Variants in SMG1 observed in about 807,000 individuals in gnomAD.
SMG1 encodes serine/threonine-protein kinase SMG1.
A neutral mutation model predicts 419.9 loss-of-function variants in SMG1; 22 were observed. That is an observed-to-expected ratio of 0.05 (90% CI 0.04 to 0.07). The LOEUF is 0.07. SMG1 is among the 10% of genes least tolerant of loss of function. The probability of loss-of-function intolerance (pLI) is 1.00; values close to 1 mark genes in which losing one functional copy is unlikely to be tolerated. For synonymous variants in SMG1, 1,538 were observed against 1,553.5 expected, an observed-to-expected ratio of 0.99 and a Z score of 0.23; for missense variants, 3,185 against 4,342.0, an observed-to-expected ratio of 0.73 and a Z score of 7.49.
At chr16:18,815,873 G>A in intron 58 of SMG1, 4 of 530,952 alleles carry the variant, frequency 7.5e-6, no homozygotes, top group Non-Finnish European at 9.9e-6. Flanking sequence ...TAATGATGAA[G>A]TAATAGCCTT....
In SMG1 at chr16:18,852,145, T is replaced by G. The variant is rs374464306; in HGVS notation, c.4974A>C (p.Pro1658=). ...CTTTCTCTTCCTCAGTTATAGTGTC[T>G]GGAAGTAGATTCTGAACTTCAGATT... ...REKSEVQNLL[P]DTITEEEKER... The change falls in exon 33 of 63, where the codon CCA becomes CCC. Residue 1658 remains proline, a synonymous_variant. Coordinates refer to ENST00000446231, the MANE Select transcript of SMG1 (RefSeq NM_015092.5). 1.2e-4 allele frequency: 198 copies of G among 1,613,830 alleles called. No individual in the cohort carries two copies. Among genetic ancestry groups the G allele is most frequent in the Non-Finnish European group, 1.6e-4 (185 of 1,179,866 alleles).
At chr16:18,843,308 CAAGT>C (rs1191873185) in intron 39 of SMG1, among the ~76,000 whole-genome samples, 6 of 152,116 alleles carry the variant, frequency 3.9e-5, no homozygotes, top group African/African-American at 1.4e-4. Context: ...AAGACAAAGA[CAAGT>C]AAGAACATTT....
chr16:18,882,080 A>T, intron 10 of SMG1, 85 bp downstream of exon 10: 1 of 904,542 alleles, frequency 1.1e-6, no homozygotes, highest in Non-Finnish European at 1.6e-6. Flanking sequence ...AAGGATTAAT[A>T]ACAGTTCACC....
In SMG1 at chr16:18,854,793, C is replaced by T. The variant is rs987550544; in HGVS notation, c.4346G>A (p.Ser1449Asn). The T allele has an allele frequency of 4.3e-6, 7 of 1,613,936 alleles. No homozygotes were observed. The African/African-American group carries it at 9.3e-5, about 22-fold the overall frequency. Reference protein sequence around the residue: ...SLATRLLAQCSEVQLGKTTTA... With the variant: ...SLATRLLAQCNEVQLGKTTTA... ...GGTGGTCTTTCCCAGCTGAACTTCACTGCACTGTGCCAGCAGTCTTGTTGC... is the reference window on the plus strand; with the variant it reads ...GGTGGTCTTTCCCAGCTGAACTTCATTGCACTGTGCCAGCAGTCTTGTTGC... Residue 1449 changes from serine (S) to asparagine (N), a missense_variant, in exon 30 of 63, where the codon AGT becomes AAT. Around this residue, in one of 27 missense-constraint regions of SMG1, gnomAD observed 493 missense variants for 552.9 expected, o/e 0.89. Transcript: ENST00000446231.
chr16:18,903,990 T>C (rs113002321), intron 1 of SMG1, among the ~76,000 whole-genome samples: 1,455 of 135,872 alleles, frequency 0.011, 34 homozygotes, highest in African/African-American at 0.038. Context: ...CAGGCTGAAG[T>C]GCGGTGACGT....
intron 29 of SMG1, chr16:18,857,048 G>C (rs1188504103): frequency 2.6e-5 from 4 of 152,196 alleles, no homozygotes; most frequent in Admixed American, 2.6e-4. Flanking sequence ...CAGTTCAGAA[G>C]TTCACTGATT....
At position 18,836,406 on chromosome 16, in the gene SMG1, T is replaced by C; in HGVS notation, c.7731A>G (p.Thr2577=). 6.2e-7 allele frequency: 1 copy of C among 1,614,062 alleles called. No homozygotes were observed. The highest frequency in any genetic ancestry group is 8.5e-7 in the Non-Finnish European group (1 of 1,179,898). ...YQAAFNNLEA[T]QLASLLQEIS... is the part of the protein sequence containing the mutation. ...TCTCTTGAAGCAAGCTTGCAAGCTG[T>C]GTTGCTTCTAAATTATTGAATGCAG... is the stretch of plus-strand genomic sequence containing the variant. The change falls in exon 47 of 63, where the codon ACA becomes ACG. Residue 2577 remains threonine (T), a synonymous_variant. Coordinates refer to ENST00000446231, the MANE Select transcript of SMG1 (RefSeq NM_015092.5).
At chr16:18,846,698 T>A (rs1028137505) in intron 38 of SMG1, among the ~76,000 whole-genome samples, 1 of 152,064 alleles carries the variant, frequency 6.6e-6, no homozygotes, top group Non-Finnish European at 1.5e-5. Flanking sequence ...TCACAACAGC[T>A]ATTATCAAAA....
Position 18,830,291 on chromosome 16 carries a change from G to A in SMG1, c.8871C>T (p.Gly2957=). The change falls in exon 52 of 63, where the codon GGC becomes GGT. Residue 2957 remains glycine (G), a synonymous_variant. Transcript: ENST00000446231. ...CATCGAATGCTACCAAAAGCATCTG[G>A]CCAGCTGACATTTTGGGTGTTTCAT... is the stretch of plus-strand genomic sequence containing the variant. ...SVDETPKMSA[G]QMLLVAFDGM... The A allele has an allele frequency of 1.2e-6, 2 of 1,613,826 alleles. No homozygotes were observed. Among genetic ancestry groups the A allele is most frequent in the Non-Finnish European group, 1.7e-6 (2 of 1,179,844 alleles).
rs368724690 is a variant in SMG1 at position 18,859,642 on chromosome 16, A to T, written c.3867T>A (p.Ile1289=). Residue 1289 remains isoleucine, a synonymous_variant, in exon 27 of 63, where the codon ATT becomes ATA. Coordinates refer to ENST00000446231, the MANE Select transcript of SMG1 (RefSeq NM_015092.5). ...SPDPRELQKS[I]EVQLLRSSVC... ...CAGAACTTCTTAACAATTGAACTTCAATGGATTTCTGAAGTTCCCTCGGAT... is the reference window on the plus strand; with the variant it reads ...CAGAACTTCTTAACAATTGAACTTCTATGGATTTCTGAAGTTCCCTCGGAT... 1 of 1,613,500 alleles carries T rather than the reference A, an allele frequency of 6.2e-7. No homozygotes were observed. Among genetic ancestry groups the T allele is most frequent in the Non-Finnish European group, 8.5e-7 (1 of 1,179,606 alleles).
At chr16:18,846,902 C>CA (rs956560767) in intron 38 of SMG1, among the ~76,000 whole-genome samples, 26 of 152,130 alleles carry the variant, frequency 1.7e-4, no homozygotes, top group Admixed American at 4.6e-4. Context: ...ATGAAATTCA[C>CA]AAAAAATAAT....
chr16:18,863,709 G>A lies in SMG1; in HGVS notation c.3636C>T (p.Asp1212=), dbSNP rs1351374176. The change falls in exon 25 of 63, where the codon GAC becomes GAT. Residue 1212 remains aspartate (D), a synonymous_variant. Transcript: ENST00000446231. ...AVQEWQNAIH[D]LKKSTSSTSL... ...AAGTGCTACTGGTACTCTTTTTCAAGTCATGGATAGCGTTCTGCCATTCCT... is the reference window on the plus strand; with the variant it reads ...AAGTGCTACTGGTACTCTTTTTCAAATCATGGATAGCGTTCTGCCATTCCT... 1.3e-6 allele frequency: 2 copies of A among 1,592,268 alleles called. No individual in the cohort carries two copies. Among genetic ancestry groups the A allele is most frequent in the Admixed American group, 3.3e-5 (2 of 59,996 alleles).
chr16:18,859,570 C>G lies in SMG1; in HGVS notation c.3939G>C (p.Trp1313Cys), dbSNP rs945273118. The G allele has an allele frequency of 3.1e-5, 49 of 1,566,290 alleles. No individual in the cohort carries two copies. The highest frequency in any genetic ancestry group is 4.1e-5 in the Non-Finnish European group (47 of 1,141,464). Residue 1313 changes from tryptophan (W) to cysteine (C), a missense_variant, in exon 27 of 63, where the codon TGG becomes TGC. Transcript: ENST00000446231. ...ALNPIEQDQK[W>C]QSITENVVKY... ...AGTAAACTTACTCAGTTATAGACTG[C>G]CACTTCTGATCTTGTTCTATCGGGT...
intron 51 of SMG1, among the ~76,000 whole-genome samples, chr16:18,830,718 G>C (rs1225653246): frequency 6.6e-6 from 1 of 152,158 alleles, no homozygotes; most frequent in Non-Finnish European, 1.5e-5. Flanking sequence ...TTGAACCTAG[G>C]AGGCGGAGGT....
chr16:18,856,301 T>A (rs2034898788), intron 29 of SMG1: 1 of 149,434 alleles, frequency 6.7e-6, no homozygotes, highest in South Asian at 2.1e-4. Context: ...CAGCTGGGAC[T>A]ATAGGCACAT....
At chr16:18,880,095 A>AAGCT (rs1422554503) in intron 10 of SMG1, among the ~76,000 whole-genome samples, 1 of 152,236 alleles carries the variant, frequency 6.6e-6, no homozygotes, top group Non-Finnish European at 1.5e-5. Flanking sequence ...CACATACTAC[A>AAGCT]AGCTAGCTCT....
intron 22 of SMG1, among the ~76,000 whole-genome samples, chr16:18,867,527 AAAT>A (rs1329122076): frequency 1.1e-4 from 3 of 26,700 alleles, no homozygotes; most frequent in Non-Finnish European, 2.6e-4. Context: ...GTGTCTCAAA[AAAT>A]AAATAAATAA....
intron 1 of SMG1, among the ~76,000 whole-genome samples, chr16:18,901,267 A>G (rs1275067140): frequency 6.6e-6 from 1 of 152,188 alleles, no homozygotes; most frequent in Non-Finnish European, 1.5e-5. Flanking sequence ...TCTGTCACCC[A>G]GGCTGGAGTG....
chr16:18,811,893 A>T (rs1413989673), intron 61 of SMG1, 26 bp from the exon 62 acceptor site: 3 of 1,613,032 alleles, frequency 1.9e-6, no homozygotes, highest in Non-Finnish European at 8.5e-7. Flanking sequence ...AACATACGTA[A>T]GTCAAACCGT....
Sources: allele counts gnomAD v4.1 joint callset (sites outside exome capture counted in the v4.1 genomes callset), GRCh38; gene constraint gnomAD v4.1.1; regional missense constraint gnomAD v4.1.1; transcripts MANE v1.5; gene names NCBI Gene and HGNC (gene_info 2026-07-23, HGNC 2026-07-21).